ADARB2: variants seen among roughly 807,000 people sequenced by gnomAD.
ADARB2 encodes the protein inactive double-stranded RNA-specific editase B2.
ADARB2 carries 25 observed loss-of-function variants against 62.2 expected under a neutral mutation model. The observed-to-expected ratio is 0.40, with a 90% CI of 0.29 to 0.56. The LOEUF is 0.56. ADARB2 is among the 20% of genes least tolerant of loss of function. ADARB2 has a pLI of 0.43. For synonymous variants in ADARB2, 572 were observed against 500.8 expected (o/e 1.14, Z -1.90); for missense variants, 1,071 against 1,077.4 (o/e 0.99, Z 0.08).
chr10:1,679,169 A>G (rs2119115367), intron 1 of ADARB2, among the ~76,000 whole-genome samples: 1 of 152,260 alleles, frequency 6.6e-6, no homozygotes, highest in African/African-American at 2.4e-5. Context: ...GTGGAGAGAG[A>G]AAAGGCATCG....
intron 1 of ADARB2, among the ~76,000 whole-genome samples, chr10:1,502,082 G>A (rs944859446): frequency 1.3e-5 from 2 of 152,220 alleles, no homozygotes; most frequent in African/African-American, 4.8e-5. Context: ...TGACCACCAG[G>A]TAAACTGGCA....
chr10:1,711,528 A>T (rs1044971305), intron 1 of ADARB2, among the ~76,000 whole-genome samples: 5 of 152,196 alleles, frequency 3.3e-5, no homozygotes, highest in Non-Finnish European at 5.9e-5. Context: ...AGGATTCCTT[A>T]CTAAGGTGTT....
At chr10:1,662,867 C>T (rs1477644914) in intron 1 of ADARB2, among the ~76,000 whole-genome samples, 1 of 152,216 alleles carries the variant, frequency 6.6e-6, no homozygotes, top group Non-Finnish European at 1.5e-5. Flanking sequence ...TGACGGGCAG[C>T]GGCCACCTCT....
chr10:1,214,397 C>T (rs1337372551), intron 7 of ADARB2, among the ~76,000 whole-genome samples: 3 of 106,750 alleles, frequency 2.8e-5, no homozygotes, highest in African/African-American at 3.9e-5. Context: ...GCCAGCGTTG[C>T]GTGGGTTTGC....
intron 7 of ADARB2, among the ~76,000 whole-genome samples, chr10:1,206,489 T>A (rs1837068765): frequency 6.7e-6 from 1 of 150,198 alleles, no homozygotes; most frequent in Non-Finnish European, 1.5e-5. Flanking sequence ...AACTGCGGGG[T>A]CTCCTCCTCG....
intron 1 of ADARB2, among the ~76,000 whole-genome samples, chr10:1,513,641 C>T (rs555008738): frequency 3.3e-5 from 5 of 152,312 alleles, no homozygotes; most frequent in African/African-American, 9.6e-5. Context: ...AGGAGAGGGG[C>T]AGGGGTTCTG....
At chr10:1,450,165 G>A (rs1831019397) in intron 1 of ADARB2, among the ~76,000 whole-genome samples, 1 of 152,232 alleles carries the variant, frequency 6.6e-6, no homozygotes, top group South Asian at 2.1e-4. Context: ...CCCGTCGAGA[G>A]GGAGGGAGGA....
intron 1 of ADARB2, among the ~76,000 whole-genome samples, chr10:1,611,552 T>TC (rs967722791): frequency 6.6e-6 from 1 of 152,096 alleles, no homozygotes; most frequent in African/African-American, 2.4e-5. Context: ...AACTCGGCTC[T>TC]CCCCCTCCAC....
intron 1 of ADARB2, among the ~76,000 whole-genome samples, chr10:1,467,724 T>C (rs960714079): frequency 6.6e-6 from 1 of 152,236 alleles, no homozygotes; most frequent in Non-Finnish European, 1.5e-5. Flanking sequence ...CGGCACACCC[T>C]GCTCTGGGAA....
chr10:1,559,097 C>T lies in ADARB2; in HGVS notation c.100+177954G>A, dbSNP rs115531248. 5.5e-3 allele frequency among the ~76,000 whole-genome samples: 842 copies of T among 152,316 alleles called. 13 individuals carry two copies. The highest frequency in any genetic ancestry group is 0.019 in the African/African-American group (796 of 41,552). ...TACACATCCACATGAGGCTTTAAGA[C>T]ACTGATGCACTTCAGCTGCAGGGCC... On this transcript the variant is annotated intron_variant, in intron 1 of 9. Coordinates refer to ENST00000381312, the MANE Select transcript of ADARB2 (RefSeq NM_018702.4).
At chr10:1,674,158 G>A (rs1484401941) in intron 1 of ADARB2, among the ~76,000 whole-genome samples, 1 of 152,266 alleles carries the variant, frequency 6.6e-6, no homozygotes, top group African/African-American at 2.4e-5. Flanking sequence ...CCTGTGCAGA[G>A]TGCATTCCGT....
chr10:1,398,795 G>T lies in ADARB2; in HGVS notation c.101-19635C>A, dbSNP rs993102350. 6.6e-6 allele frequency among the ~76,000 whole-genome samples: 1 copy of T among 152,170 alleles called. No homozygotes were observed. On this transcript the variant is annotated intron_variant, in intron 1 of 9. Coordinates refer to ENST00000381312, the MANE Select transcript of ADARB2 (RefSeq NM_018702.4). This position sits in a 1 kb window ranked among gnomAD's most constrained non-coding sequence, Gnocchi z 4.1. ...GCGTGCCCGTTTACCTGAGAGGCCA[G>T]GTTCACATTTGGGAAGAAGAGATTT... is the stretch of plus-strand genomic sequence containing the variant.
intron 3 of ADARB2, among the ~76,000 whole-genome samples, chr10:1,342,012 G>A (rs1832034370): frequency 6.6e-6 from 1 of 152,214 alleles, no homozygotes; most frequent in Non-Finnish European, 1.5e-5. Context: ...CATTGATCAT[G>A]GTATTGCTAC....
chr10:1,217,087 G>A lies in ADARB2; in HGVS notation c.1546C>T (p.Arg516Cys), dbSNP rs184297552. ...TCGATCTTGGTGCGCAGGTGCCCGC[G>A]GAACTTCCTGACGAGGTGTTTGCTG... ...HSSKHLVRKFRGHLRTKIESG... is the reference protein window; with the variant it reads ...HSSKHLVRKFCGHLRTKIESG... The change falls in exon 7 of 10, where the codon CGC (arginine) becomes TGC (cysteine). Residue 516 changes from arginine (R) to cysteine (C), a missense_variant. Physicochemically the swap from Arg to Cys is radical, Grantham distance 180. Coordinates refer to ENST00000381312, the MANE Select transcript of ADARB2 (RefSeq NM_018702.4). 7 of 1,605,738 alleles carry A rather than the reference G, an allele frequency of 4.4e-6. No individual in the cohort carries two copies. In the East Asian group the frequency reaches 1.1e-4, roughly 26 times the overall value.
chr10:1,574,475 GAC>G (rs1832983796), intron 1 of ADARB2, among the ~76,000 whole-genome samples: 1 of 152,056 alleles, frequency 6.6e-6, no homozygotes, highest in South Asian at 2.1e-4. Context: ...ACAGAGAACA[GAC>G]ACTCCTGTTC....
At chr10:1,381,193 C>T (rs1204364788) in intron 1 of ADARB2, among the ~76,000 whole-genome samples, 1 of 152,012 alleles carries the variant, frequency 6.6e-6, no homozygotes, top group Non-Finnish European at 1.5e-5. Flanking sequence ...CACACACACA[C>T]ACATATATAC....
intron 1 of ADARB2, among the ~76,000 whole-genome samples, chr10:1,659,346 C>CG (rs1834213593): frequency 6.6e-6 from 1 of 152,196 alleles, no homozygotes; most frequent in South Asian, 2.1e-4. Context: ...CTCACATCCC[C>CG]GTCCTGTCTA....
chr10:1,351,932 C>T (rs1200835335), intron 3 of ADARB2, among the ~76,000 whole-genome samples: 1 of 147,696 alleles, frequency 6.8e-6, no homozygotes, highest in African/African-American at 2.6e-5. Context: ...CATATACTCT[C>T]CTATCTTCAA....
At chr10:1,711,103 C>T (rs1834944555) in intron 1 of ADARB2, among the ~76,000 whole-genome samples, 1 of 152,194 alleles carries the variant, frequency 6.6e-6, no homozygotes, top group African/African-American at 2.4e-5. Context: ...TCACAATGGC[C>T]AGGGACACGG....
Sources: allele counts gnomAD v4.1 joint callset (sites outside exome capture counted in the v4.1 genomes callset), GRCh38; gene constraint gnomAD v4.1.1; non-coding constraint Gnocchi (gnomAD v3.1); transcripts MANE v1.5; gene names NCBI Gene and HGNC (gene_info 2026-07-23, HGNC 2026-07-21).